The following ARL15 variants were observed in gnomAD, a reference collection of about 807,000 sequenced individuals.
ARL15 encodes the protein ARF like GTPase 15.
Under a neutral mutation model 25.2 loss-of-function variants are expected in ARL15, and 19 were observed. That is an observed-to-expected ratio of 0.75 (90% confidence interval 0.53 to 1.10). The LOEUF (loss-of-function observed/expected upper bound fraction) is 1.10, where lower values mean the gene tolerates loss of function less well. ARL15 is among the 50% of genes least tolerant of loss of function. The pLI is 0.00. For missense variants in ARL15, 220 were observed against 246.0 expected, an observed-to-expected ratio of 0.89 and a Z score of 0.71; for synonymous variants, 94 against 86.8, an observed-to-expected ratio of 1.08 and a Z score of -0.46.
chr5:54,094,552 C>T (rs1381510376), intron 4 of ARL15, among the ~76,000 whole-genome samples: 1 of 150,980 alleles, frequency 6.6e-6, no homozygotes, highest in Non-Finnish European at 1.5e-5. Context: ...CTTAAATGCC[C>T]TAATAAAATA....
At chr5:53,903,080 G>A (rs1745122673) in intron 4 of ARL15, among the ~76,000 whole-genome samples, 1 of 152,136 alleles carries the variant, frequency 6.6e-6, no homozygotes, top group South Asian at 2.1e-4. Flanking sequence ...CTAAAGAAAA[G>A]CTAAGTGGTA....
intron 4 of ARL15, among the ~76,000 whole-genome samples, chr5:54,086,620 C>T (rs1323226646): frequency 1.3e-5 from 2 of 152,032 alleles, no homozygotes; most frequent in East Asian, 3.9e-4. Context: ...AATATTAACC[C>T]TTCCTCTACC....
chr5:54,152,695 C>T (rs919891953), intron 3 of ARL15, among the ~76,000 whole-genome samples: 3 of 152,190 alleles, frequency 2.0e-5, no homozygotes, highest in Non-Finnish European at 4.4e-5. Flanking sequence ...TGCCTTTTAC[C>T]TGCATCTCTT....
At chr5:54,202,604 A>G (rs1237891877) in intron 1 of ARL15, among the ~76,000 whole-genome samples, 1 of 152,228 alleles carries the variant, frequency 6.6e-6, no homozygotes, top group Non-Finnish European at 1.5e-5. Flanking sequence ...TCTGACCACC[A>G]GAACTGCAAA....
At chr5:54,181,673 C>G (rs1755063281) in intron 1 of ARL15, among the ~76,000 whole-genome samples, 1 of 152,184 alleles carries the variant, frequency 6.6e-6, no homozygotes, top group South Asian at 2.1e-4. Flanking sequence ...GTCGCTCATG[C>G]TGGTAATCCC....
At chr5:54,085,834 G>A (rs1270320380) in intron 4 of ARL15, among the ~76,000 whole-genome samples, 1 of 152,034 alleles carries the variant, frequency 6.6e-6, no homozygotes, top group Non-Finnish European at 1.5e-5. Flanking sequence ...GAAAAGAGAA[G>A]AGGTGGATGG....
intron 4 of ARL15, among the ~76,000 whole-genome samples, chr5:53,947,170 G>GTGT (rs1746770523): frequency 2.2e-5 from 1 of 45,402 alleles, no homozygotes; most frequent in Admixed American, 1.9e-4. Context: ...AAATAAGGGT[G>GTGT]TGTGTGTGTG....
At chr5:54,294,660 C>T (rs756372053) in intron 1 of ARL15, among the ~76,000 whole-genome samples, 15 of 152,102 alleles carry the variant, frequency 9.9e-5, no homozygotes, top group Non-Finnish European at 1.5e-4. Flanking sequence ...GGACCTAAAG[C>T]GACTATGTTT....
At chr5:54,277,285 AAAG>A (rs1416194224) in intron 1 of ARL15, among the ~76,000 whole-genome samples, 1 of 152,168 alleles carries the variant, frequency 6.6e-6, no homozygotes, top group Non-Finnish European at 1.5e-5. Context: ...CAAAAAAGAA[AAAG>A]AAGTCACAGA....
At chr5:54,168,468 T>G (rs2112391608) in intron 2 of ARL15, among the ~76,000 whole-genome samples, 1 of 152,170 alleles carries the variant, frequency 6.6e-6, no homozygotes, top group Middle Eastern at 3.4e-3. Context: ...TTGTTTTATC[T>G]TCCTTTCCTC....
At chr5:54,013,269 T>G (rs1159342834) in intron 4 of ARL15, among the ~76,000 whole-genome samples, 1 of 152,230 alleles carries the variant, frequency 6.6e-6, no homozygotes, top group African/African-American at 2.4e-5. Flanking sequence ...TCAGAAAATC[T>G]GAAAAATCTG....
At chr5:53,923,352 C>T (rs991051531) in intron 4 of ARL15, among the ~76,000 whole-genome samples, 4 of 152,132 alleles carry the variant, frequency 2.6e-5, no homozygotes, top group Non-Finnish European at 5.9e-5. Flanking sequence ...TAAAATATGA[C>T]GCAGTTGCTT....
intron 4 of ARL15, among the ~76,000 whole-genome samples, chr5:54,031,471 T>G (rs1223821952): frequency 1.3e-5 from 2 of 152,150 alleles, no homozygotes; most frequent in Non-Finnish European, 2.9e-5. Context: ...TACATGGCAC[T>G]TATGAGAAAA....
rs13436340 is a variant in ARL15, at chr5:53,920,678, T to C, written c.463-33965A>G. 7.3e-3 allele frequency among the ~76,000 whole-genome samples: 1,095 copies of C among 150,520 alleles called. 19 individuals are homozygous for C. Among genetic ancestry groups the C allele is most frequent in the African/African-American group, 0.026 (1,061 of 40,802 alleles). ...ATAAATAAATAAATAAATAAATAAA[T>C]AAATAAATAAAAGGAGCTGCCTACT... On this transcript the variant is annotated intron_variant, in intron 4 of 4. Coordinates refer to ENST00000504924, the MANE Select transcript of ARL15 (RefSeq NM_019087.3).
In ARL15 at chr5:54,125,075, G is replaced by GTTTT. The variant is rs774608441; in HGVS notation, c.254-11669_254-11666dup. On this transcript the variant is annotated intron_variant, in intron 3 of 4. Transcript: ENST00000504924. ...TTCTGGTAAGCAAGTTTTTTGTTTTGTTTTGTTTTGTTTTTTTTTTTTTTG... is the reference window on the plus strand; with the variant it reads ...TTCTGGTAAGCAAGTTTTTTGTTTTGTTTTTTTTGTTTTGTTTTTTTTTTTTTTG... Among the ~76,000 whole-genome samples, 54 of 134,990 alleles carry GTTTT rather than the reference G, an allele frequency of 4.0e-4. 4 individuals are homozygous for GTTTT. Among genetic ancestry groups the GTTTT allele is most frequent in the South Asian group, 6.9e-4 (3 of 4,318 alleles). 88.6% of individuals were successfully genotyped at this position (134,990 alleles called of 152,430 possible).
chr5:54,041,655 C>T (rs1178955162), intron 4 of ARL15, among the ~76,000 whole-genome samples: 4 of 152,182 alleles, frequency 2.6e-5, no homozygotes, highest in African/African-American at 9.7e-5. Context: ...GGTACCAGTT[C>T]CATTGCTGGA....
At chr5:54,199,363 C>A (rs1249102830) in intron 1 of ARL15, among the ~76,000 whole-genome samples, 10 of 151,236 alleles carry the variant, frequency 6.6e-5, no homozygotes, top group Non-Finnish European at 1.3e-4. Flanking sequence ...AACAGGCAAC[C>A]CACAAAATGG....
At chr5:54,241,465 G>A (rs1756955347) in intron 1 of ARL15, among the ~76,000 whole-genome samples, 1 of 152,052 alleles carries the variant, frequency 6.6e-6, no homozygotes, top group Non-Finnish European at 1.5e-5. Flanking sequence ...TTTACCTATA[G>A]AGATAATTAT....
chr5:54,096,864 C>T (rs968369695), intron 4 of ARL15, among the ~76,000 whole-genome samples: 1 of 152,122 alleles, frequency 6.6e-6, no homozygotes, highest in East Asian at 1.9e-4. Flanking sequence ...ATACTGGTTA[C>T]TATGTAAGGC....
Sources: gnomAD v4.1 joint callset for allele counts (sites outside exome capture counted in the v4.1 genomes callset) on GRCh38, gnomAD v4.1.1 for gene constraint, MANE v1.5 for transcripts, NCBI Gene and HGNC (gene_info 2026-07-23, HGNC 2026-07-21) for gene names.